The following ATP10D variants were observed in gnomAD, a reference collection of about 807,000 sequenced individuals.
ATP10D encodes ATPase phospholipid transporting 10D (putative).
ATP10D carries 89 observed loss-of-function variants against 144.8 expected under a neutral mutation model. The ratio of observed to expected loss-of-function variants is 0.61; its 90% CI spans 0.52 to 0.73. ATP10D has a LOEUF of 0.73. Ranked by LOEUF, ATP10D falls within the 30% of genes least tolerant of loss-of-function variation. ATP10D has a pLI of 0.00. For synonymous variants in ATP10D, 571 were observed against 615.1 expected, an observed-to-expected ratio of 0.93 and a Z score of 1.06; for missense variants, 1,603 against 1,714.8, an observed-to-expected ratio of 0.93 and a Z score of 1.15.
chr4:47,559,757 C>T (rs1000246200), intron 13 of ATP10D, among the ~76,000 whole-genome samples: 9 of 152,078 alleles, frequency 5.9e-5, no homozygotes, highest in African/African-American at 2.2e-4. Context: ...CGCCTGTAAT[C>T]AGGAGGCTGA....
intron 18 of ATP10D, 109 bp from the exon 19 acceptor site, chr4:47,576,664 A>G (rs1720259488): frequency 2.1e-6 from 2 of 970,464 alleles, no homozygotes; most frequent in East Asian, 2.4e-5. Flanking sequence ...ATATAAGAAA[A>G]CTACAGAGAG....
At chr4:47,583,063 G>A (rs1333811489) in intron 21 of ATP10D, 1 of 152,232 alleles carries the variant, frequency 6.6e-6, no homozygotes, top group East Asian at 1.9e-4. Context: ...GCTCACTTGA[G>A]CCCAACAGTT....
At chr4:47,507,143 T>C (rs149795415) in intron 1 of ATP10D, among the ~76,000 whole-genome samples, 2 of 152,328 alleles carry the variant, frequency 1.3e-5, no homozygotes, top group East Asian at 1.9e-4. Context: ...TTAGTATCAA[T>C]ACTGTGCACA....
intron 17 of ATP10D, 59 bp downstream of exon 17, chr4:47,572,289 A>C (rs1324605441): frequency 6.9e-7 from 1 of 1,456,114 alleles, no homozygotes. Context: ...CAAAGGCAGC[A>C]TTCTCCATGG....
chr4:47,532,769 C>T (rs1414255176), intron 5 of ATP10D, among the ~76,000 whole-genome samples: 1 of 152,166 alleles, frequency 6.6e-6, no homozygotes, highest in African/African-American at 2.4e-5. Context: ...TGCTGAATAT[C>T]AGATTCGTAT....
chr4:47,486,261 G>A (rs1164849684), intron 1 of ATP10D, among the ~76,000 whole-genome samples: 1 of 152,170 alleles, frequency 6.6e-6, no homozygotes, highest in African/African-American at 2.4e-5. Context: ...TGGTGTCTGG[G>A]ACCCTGTGCC....
At position 47,536,537 on chromosome 4, in the gene ATP10D, G is replaced by A. The variant is rs1170351123; in HGVS notation, c.1116G>A (p.Met372Ile). ...CACCACTGTTGGCAGGATTTTATATGTTTTGGACCATGATCATTTTGTTAC... is the reference window on the plus strand; with the variant it reads ...CACCACTGTTGGCAGGATTTTATATATTTTGGACCATGATCATTTTGTTAC... Reference protein sequence around the residue: ...IISPLLAGFYMFWTMIILLQV... With the variant: ...IISPLLAGFYIFWTMIILLQV... Residue 372 changes from methionine (M) to isoleucine (I), a missense_variant, in exon 8 of 23, where the codon ATG becomes ATA. Physicochemically the swap from Met to Ile is conservative, Grantham distance 10. Transcript: ENST00000273859. The A allele has an allele frequency of 2.5e-6, 4 of 1,612,956 alleles. No homozygotes were observed. Among genetic ancestry groups the A allele is most frequent in the Non-Finnish European group, 3.4e-6 (4 of 1,179,608 alleles).
chr4:47,533,026 T>A (rs1426409569), intron 5 of ATP10D, among the ~76,000 whole-genome samples: 1 of 152,188 alleles, frequency 6.6e-6, no homozygotes, highest in East Asian at 1.9e-4. Flanking sequence ...TTTTTGGAAT[T>A]TGCAGTAAGT....
intron 22 of ATP10D, among the ~76,000 whole-genome samples, chr4:47,589,743 AG>A (rs1720946426): frequency 6.6e-6 from 1 of 152,172 alleles, no homozygotes; most frequent in Admixed American, 6.6e-5. Flanking sequence ...TGTTTTATAT[AG>A]AATTTTATGA....
intron 17 of ATP10D, 57 bp downstream of exon 17, chr4:47,572,287 G>A: frequency 6.8e-7 from 1 of 1,466,576 alleles, no homozygotes; most frequent in Non-Finnish European, 9.5e-7. Context: ...TCCAAAGGCA[G>A]CATTCTCCAT....
intron 1 of ATP10D, among the ~76,000 whole-genome samples, chr4:47,493,188 A>C (rs1384689463): frequency 6.6e-6 from 1 of 152,334 alleles, no homozygotes; most frequent in Admixed American, 6.5e-5. Flanking sequence ...AAGTAGTTTC[A>C]CTGATTATTT....
intron 9 of ATP10D, among the ~76,000 whole-genome samples, chr4:47,541,595 A>C (rs771347194): frequency 1.3e-5 from 2 of 152,224 alleles, no homozygotes; most frequent in Non-Finnish European, 2.9e-5. Context: ...AAATGTTTGC[A>C]GATTTAGTTC....
Position 47,581,952 on chromosome 4 carries a change from C to A in ATP10D, c.3649-8C>A. The A allele has an allele frequency of 6.2e-7, 1 of 1,609,700 alleles. No individual in the cohort carries two copies. Among genetic ancestry groups the A allele is most frequent in the Non-Finnish European group, 8.5e-7 (1 of 1,176,098 alleles). On this transcript the variant is annotated splice_polypyrimidine_tract_variant and splice_region_variant and intron_variant, in intron 20 of 22. Coordinates refer to ENST00000273859, the MANE Select transcript of ATP10D (RefSeq NM_020453.4). Reference sequence around the variant, plus strand: ...TCTCCAGGATCATCTAATGTCCTCTCTTTGTAGACCTACCAGGGCTCAGAT... The same window carrying A: ...TCTCCAGGATCATCTAATGTCCTCTATTTGTAGACCTACCAGGGCTCAGAT...
chr4:47,516,870 A>T (rs1008152217), intron 3 of ATP10D, among the ~76,000 whole-genome samples: 1 of 152,232 alleles, frequency 6.6e-6, no homozygotes, highest in Non-Finnish European at 1.5e-5. Flanking sequence ...GGCATAGAGC[A>T]TTTGACTAAA....
rs771667767 is a variant in ATP10D at position 47,523,231 on chromosome 4, C to T, written c.690+15C>T. On this transcript the variant is annotated intron_variant, in intron 4 of 22. Transcript: ENST00000273859. ...ATGCAGAACAGGTAAGTCATATGTT[C>T]TCAGTTAGTGGCTTATTAACATTTT... is the stretch of plus-strand genomic sequence containing the variant. 4 of 1,605,626 alleles carry T rather than the reference C, an allele frequency of 2.5e-6. No individual in the cohort carries two copies. The highest frequency in any genetic ancestry group is 1.3e-5 in the African/African-American group (1 of 74,700).
At chr4:47,589,306 A>C (rs1341747114) in intron 22 of ATP10D, among the ~76,000 whole-genome samples, 3 of 152,190 alleles carry the variant, frequency 2.0e-5, no homozygotes, top group Admixed American at 2.0e-4. Flanking sequence ...TAAGCTACCA[A>C]GTTTGTAATA....
Position 47,558,924 on chromosome 4 carries a change from T to C in ATP10D, c.2436T>C (p.Asp812=), listed in dbSNP as rs1201521644. 2 of 1,611,260 alleles carry C rather than the reference T, an allele frequency of 1.2e-6. No homozygotes were observed. The highest frequency in any genetic ancestry group is 1.3e-5 in the African/African-American group (1 of 74,808). The change falls in exon 13 of 23, where the codon GAT becomes GAC. Residue 812 remains aspartate, a splice_region_variant and synonymous_variant. Coordinates refer to ENST00000273859, the MANE Select transcript of ATP10D (RefSeq NM_020453.4). The stretch of plus-strand genomic sequence containing the variant: ...CAAGCATCTTGTCCATTATTTCAGA[T>C]GGAGCAAGTCTGGAGAAACAACAGA... ...IMELLSVASP[D]GASLEKQQMI...
intron 17 of ATP10D, among the ~76,000 whole-genome samples, 176 bp downstream of exon 17, chr4:47,572,406 G>T (rs765294548): frequency 1.3e-5 from 2 of 151,974 alleles, no homozygotes; most frequent in African/African-American, 4.8e-5. Flanking sequence ...GAGTATTATG[G>T]CATTTTCCTG....
intron 10 of ATP10D, 58 bp downstream of exon 10, chr4:47,546,920 G>A: frequency 1.3e-6 from 2 of 1,495,144 alleles, no homozygotes; most frequent in Non-Finnish European, 1.9e-6. Context: ...TGAGAGAACA[G>A]CCTTGTAATT....
Sources: allele counts gnomAD v4.1 joint callset (sites outside exome capture counted in the v4.1 genomes callset), GRCh38; gene constraint gnomAD v4.1.1; transcripts MANE v1.5; gene names NCBI Gene and HGNC (gene_info 2026-07-23, HGNC 2026-07-21).